Variants in SLCO1B3 observed in about 807,000 individuals in gnomAD.
The protein encoded by SLCO1B3 is liver-specific organic anion transporter 2.
In SLCO1B3, 72 loss-of-function variants were observed where a neutral mutation model predicts 71.8. That is an observed-to-expected ratio of 1.00 (90% CI 0.83 to 1.22). SLCO1B3 has a LOEUF of 1.22. Ranked by LOEUF, SLCO1B3 falls within the 50% of genes most tolerant of loss-of-function variation. The pLI, the probability that SLCO1B3 is intolerant of heterozygous loss-of-function variation, is 0.00. For missense variants in SLCO1B3, 911 were observed against 819.7 expected (o/e 1.11, Z -1.36); for synonymous variants, 298 against 278.4 (o/e 1.07, Z -0.70).
intron 3 of SLCO1B3, among the ~76,000 whole-genome samples, chr12:20,851,247 A>T (rs11045560): frequency 1.3e-5 from 2 of 151,964 alleles, no homozygotes; most frequent in Admixed American, 1.3e-4. Context: ...AAAACTCCAA[A>T]CTAGTTTTCA....
chr12:20,903,967 C>T (rs577635825), intron 15 of SLCO1B3, among the ~76,000 whole-genome samples: 18 of 152,214 alleles, frequency 1.2e-4, no homozygotes, highest in East Asian at 1.9e-4. Flanking sequence ...TGGCCAGGCG[C>T]GGTGGCTCAT....
chr12:20,822,931 GC>G (rs1475211687), intron 3 of SLCO1B3, among the ~76,000 whole-genome samples: 2 of 151,928 alleles, frequency 1.3e-5, no homozygotes, highest in African/African-American at 4.8e-5. Flanking sequence ...TTTGAAGAAA[GC>G]ATTTTAGAAG....
chr12:20,836,972 A>T (rs187808833), intron 3 of SLCO1B3, among the ~76,000 whole-genome samples: 37 of 152,266 alleles, frequency 2.4e-4, no homozygotes, highest in African/African-American at 8.4e-4. Flanking sequence ...TTATTACTTG[A>T]CAATCTAATT....
At chr12:20,872,711 G>C (rs1004506556) in intron 8 of SLCO1B3, among the ~76,000 whole-genome samples, 2 of 152,032 alleles carry the variant, frequency 1.3e-5, no homozygotes, top group Admixed American at 1.3e-4. Context: ...TTTGGCCCAG[G>C]ATGTGCCTAG....
intron 9 of SLCO1B3, 112 bp downstream of exon 9, chr12:20,875,589 T>A: frequency 9.0e-7 from 1 of 1,109,612 alleles, no homozygotes; most frequent in Non-Finnish European, 1.3e-6. Flanking sequence ...CTTTCTTCTC[T>A]GCTAAATTTA....
At chr12:20,912,639 T>C (rs571735962) in intron 15 of SLCO1B3, among the ~76,000 whole-genome samples, 3 of 151,744 alleles carry the variant, frequency 2.0e-5, no homozygotes, top group African/African-American at 7.3e-5. Flanking sequence ...TTCTCCTACC[T>C]CAGCCTCCTG....
chr12:20,847,997 A>G (rs966429070), intron 3 of SLCO1B3, among the ~76,000 whole-genome samples: 1 of 152,126 alleles, frequency 6.6e-6, no homozygotes, highest in Non-Finnish European at 1.5e-5. Context: ...GAATCTTGGA[A>G]GCAGCTAGAA....
Position 20,904,755 on chromosome 12 carries a change from C to CTTTTTTTT in SLCO1B3, c.1865+3314_1865+3321dup, listed in dbSNP as rs775996155. 6.8e-4 allele frequency among the ~76,000 whole-genome samples: 38 copies of CTTTTTTTT among 56,116 alleles called. 4 individuals are homozygous for CTTTTTTTT. Among genetic ancestry groups the CTTTTTTTT allele is most frequent in the African/African-American group, 3.2e-3 (36 of 11,274 alleles). 36.8% of individuals were successfully genotyped at this position (56,116 alleles called of 152,430 possible). ...GCAGACTTCTGCCTGGACATCCAGG[C>CTTTTTTTT]TTTTTTTTTTTTTTTTTTTTTTTTT... On this transcript the variant is annotated intron_variant, in intron 15 of 15. Transcript: ENST00000381545.
chr12:20,845,048 G>T (rs1365941971), intron 3 of SLCO1B3: 10 of 244,124 alleles, frequency 4.1e-5, no homozygotes, highest in Admixed American at 1.5e-4. Context: ...AAAAAAAAAA[G>T]CACCAGTTCT....
chr12:20,887,981 T>C (rs1411545845), intron 13 of SLCO1B3, among the ~76,000 whole-genome samples: 1 of 151,950 alleles, frequency 6.6e-6, no homozygotes, highest in African/African-American at 2.4e-5. Flanking sequence ...TTGAATAGGG[T>C]GTCCTTTCCT....
chr12:20,824,249 A>G (rs1381615781), intron 3 of SLCO1B3, among the ~76,000 whole-genome samples: 1 of 152,298 alleles, frequency 6.6e-6, no homozygotes, highest in South Asian at 2.1e-4. Context: ...TTTAAACAAA[A>G]TCTTATACAA....
intron 3 of SLCO1B3, among the ~76,000 whole-genome samples, chr12:20,851,313 C>T (rs558716449): frequency 1.3e-5 from 2 of 152,152 alleles, no homozygotes; most frequent in African/African-American, 4.8e-5. Flanking sequence ...CCAACTTTTT[C>T]ACATACTTAT....
At position 20,877,760 on chromosome 12, in the gene SLCO1B3, A is replaced by G; in HGVS notation, c.971-12A>G. On this transcript the variant is annotated splice_polypyrimidine_tract_variant and intron_variant, in intron 9 of 15. Coordinates refer to ENST00000381545, the MANE Select transcript of SLCO1B3 (RefSeq NM_019844.4). ...TTTATTATTGAAATATGTTATTTTTATAACTCTATAGGTTTTTTCCAGTCT... is the reference window on the plus strand; with the variant it reads ...TTTATTATTGAAATATGTTATTTTTGTAACTCTATAGGTTTTTTCCAGTCT... The G allele has an allele frequency of 8.1e-7, 1 of 1,231,088 alleles. No individual in the cohort carries two copies. Among genetic ancestry groups the G allele is most frequent in the Non-Finnish European group, 1.1e-6 (1 of 926,442 alleles). The allele number at this position is 1,231,088 out of a possible 1,614,324, so 76.3% of individuals were successfully genotyped here. A position where few individuals can be genotyped will look rare whatever the true frequency, so the allele number is the denominator to read the frequency against.
rs370545960 is a variant in SLCO1B3 at position 20,839,309 on chromosome 12, C to A, written c.85-15719C>A. ...TTCTGATCTATATTATTTTCTCTTTCTCTAAAAAACTGCTCTTAACATCTT... is the reference window on the plus strand; with the variant it reads ...TTCTGATCTATATTATTTTCTCTTTATCTAAAAAACTGCTCTTAACATCTT... On this transcript the variant is annotated intron_variant, in intron 3 of 15. Coordinates refer to ENST00000381545, the MANE Select transcript of SLCO1B3 (RefSeq NM_019844.4). Among the ~76,000 whole-genome samples the A allele has an allele frequency of 8.2e-4, 125 of 152,110 alleles. 2 individuals carry two copies. The South Asian group carries it at 0.025, about 30-fold the overall frequency.
At chr12:20,853,836 C>A (rs1321936427) in intron 3 of SLCO1B3, among the ~76,000 whole-genome samples, 2 of 151,552 alleles carry the variant, frequency 1.3e-5, no homozygotes, top group Non-Finnish European at 2.9e-5. Flanking sequence ...ATTTTTCTTT[C>A]CTTAATATCA....
Position 20,870,067 on chromosome 12 carries a change from G to A in SLCO1B3, c.728-5168G>A, listed in dbSNP as rs1480267597. ...TGATACGTAATTGTGCTTTTGATTT[G>A]CATTATTATGATAATAAGTGATGTT... On this transcript the variant is annotated intron_variant, in intron 8 of 15. Coordinates refer to ENST00000381545, the MANE Select transcript of SLCO1B3 (RefSeq NM_019844.4). 2.0e-5 allele frequency among the ~76,000 whole-genome samples: 3 copies of A among 152,000 alleles called. No individual in the cohort carries two copies. In the East Asian group the frequency reaches 5.8e-4, roughly 29 times the overall value.
chr12:20,884,898 A>G (rs1865763052), intron 13 of SLCO1B3, among the ~76,000 whole-genome samples: 1 of 152,116 alleles, frequency 6.6e-6, no homozygotes, highest in Admixed American at 6.6e-5. Flanking sequence ...TTCATACCAT[A>G]AATATTCCAC....
intron 3 of SLCO1B3, among the ~76,000 whole-genome samples, chr12:20,834,949 C>G (rs994651221): frequency 6.6e-6 from 1 of 152,186 alleles, no homozygotes; most frequent in East Asian, 1.9e-4. Context: ...GAGGGCTTCA[C>G]CCTTGAAGCA....
At chr12:20,880,183 T>C (rs1411751356) in intron 11 of SLCO1B3, among the ~76,000 whole-genome samples, 5 of 151,316 alleles carry the variant, frequency 3.3e-5, no homozygotes, top group Non-Finnish European at 7.4e-5. Flanking sequence ...TTAGTCATAA[T>C]ATAAAATTAT....
Sources: gnomAD v4.1 joint callset for allele counts (sites outside exome capture counted in the v4.1 genomes callset) on GRCh38, gnomAD v4.1.1 for gene constraint, MANE v1.5 for transcripts, NCBI Gene and HGNC (gene_info 2026-07-23, HGNC 2026-07-21) for gene names.